MGAT5B: variants seen among roughly 807,000 people sequenced by gnomAD.
MGAT5B encodes alpha-1,6-mannosylglycoprotein 6-beta-N-acetylglucosaminyltransferase B, also known as N-acetylglucosaminyl-transferase Vb.
Under a neutral mutation model 95.1 loss-of-function variants are expected in MGAT5B, and 54 were observed. The ratio of observed to expected loss-of-function variants is 0.57; its 90% CI spans 0.46 to 0.71. The LOEUF (loss-of-function observed/expected upper bound fraction) is 0.71. Among genes scored for constraint, MGAT5B ranks in the 30% least tolerant of loss-of-function variants. The pLI is 0.00. For missense variants in MGAT5B, 935 were observed against 1,088.6 expected (o/e 0.86, Z 1.99); for synonymous variants, 464 against 451.0 (o/e 1.03, Z -0.36).
chr17:76,881,178 C>T (rs1269086661), intron 2 of MGAT5B, among the ~76,000 whole-genome samples: 1 of 152,168 alleles, frequency 6.6e-6, no homozygotes, highest in African/African-American at 2.4e-5. Context: ...CACACTGGCA[C>T]GTGCAGCGCT....
In MGAT5B at chr17:76,926,717, C is replaced by G; in HGVS notation, c.1278C>G (p.Phe426Leu). 2.5e-6 allele frequency: 4 copies of G among 1,612,730 alleles called. No individual in the cohort carries two copies. The highest frequency in any genetic ancestry group is 3.4e-6 in the Non-Finnish European group (4 of 1,179,904). The change falls in exon 10 of 18, where the codon TTC becomes TTG. Residue 426 changes from phenylalanine to leucine, a missense_variant. Around this residue, in one of 4 missense-constraint regions of MGAT5B, gnomAD observed 440 missense variants for 523.6 expected, o/e 0.84. Coordinates refer to ENST00000569840, the MANE Select transcript of MGAT5B (RefSeq NM_001199172.2). ...WGYWNLNPKQ[F>L]MTMFPHTPDN... ...ACTGGAACCTCAACCCCAAGCAGTT[C>G]ATGACCATGTTTCGTGAGTGCCCCA...
chr17:76,882,703 CCCT>C (rs1419930704), intron 3 of MGAT5B, among the ~76,000 whole-genome samples: 93 of 107,678 alleles, frequency 8.6e-4, no homozygotes, highest in Non-Finnish European at 1.2e-3. Context: ...ATTCCACTGC[CCCT>C]TTTTTTTTTT....
At chr17:76,928,159 G>A (rs889126090) in intron 10 of MGAT5B, among the ~76,000 whole-genome samples, 9 of 152,160 alleles carry the variant, frequency 5.9e-5, no homozygotes, top group Non-Finnish European at 5.9e-5. Context: ...GAGAGGTAGA[G>A]CATGCAGCCT....
At position 76,902,645 on chromosome 17, in the gene MGAT5B, C is replaced by T; in HGVS notation, c.420C>T (p.Arg140=). Residue 140 remains arginine (R), a synonymous_variant, in exon 4 of 18, where the codon CGC becomes CGT. Transcript: ENST00000569840. ...CTGTGAAGGTGGACCAGATCCTGCGCCACAGTCTGCTCCTGCACAGCAAGG... is the reference window on the plus strand; with the variant it reads ...CTGTGAAGGTGGACCAGATCCTGCGTCACAGTCTGCTCCTGCACAGCAAGG... ...DIAVKVDQIL[R]HSLLLHSKVS... is the part of the protein sequence containing the mutation. The T allele has an allele frequency of 6.3e-7, 1 of 1,596,046 alleles. No individual in the cohort carries two copies. The highest frequency in any genetic ancestry group is 8.5e-7 in the Non-Finnish European group (1 of 1,170,788).
chr17:76,948,204 G>C, intron 17 of MGAT5B, 118 bp downstream of exon 17: 1 of 1,441,958 alleles, frequency 6.9e-7, no homozygotes, highest in East Asian at 2.5e-5. Context: ...GGGATGTAAT[G>C]CTTTCCAATG....
chr17:76,892,332 G>A (rs1967905556), intron 3 of MGAT5B, among the ~76,000 whole-genome samples: 1 of 152,242 alleles, frequency 6.6e-6, no homozygotes, highest in Non-Finnish European at 1.5e-5. Context: ...ACGGGCGTGA[G>A]CCACCACGCT....
intron 15 of MGAT5B, among the ~76,000 whole-genome samples, chr17:76,941,416 T>A (rs901902546): frequency 2.0e-5 from 3 of 152,200 alleles, no homozygotes; most frequent in Non-Finnish European, 2.9e-5. Context: ...ATCTCCGCAG[T>A]GGACATGTTT....
chr17:76,907,340 C>G (rs1224724224), intron 8 of MGAT5B, among the ~76,000 whole-genome samples: 2 of 152,182 alleles, frequency 1.3e-5, no homozygotes, highest in South Asian at 2.1e-4. Flanking sequence ...CATGAGCCAC[C>G]GCACCCAGCC....
intron 10 of MGAT5B, among the ~76,000 whole-genome samples, chr17:76,928,911 G>T (rs143439006): frequency 0.011 from 1,662 of 151,502 alleles, 33 homozygotes; most frequent in African/African-American, 0.038. Flanking sequence ...TGTCACTCAG[G>T]CTGGAGTGCA....
chr17:76,871,290 C>A (rs933305013), intron 1 of MGAT5B, among the ~76,000 whole-genome samples: 10 of 152,176 alleles, frequency 6.6e-5, no homozygotes, highest in African/African-American at 2.4e-4. Context: ...TCTGAGGGAC[C>A]CCAAGATCTG....
In MGAT5B at chr17:76,905,963, C is replaced by A; in HGVS notation, c.856-55C>A. The A allele has an allele frequency of 1.3e-6, 2 of 1,505,642 alleles. No homozygotes were observed. The highest frequency in any genetic ancestry group is 2.5e-5 in the East Asian group (1 of 39,448). 93.3% of individuals were successfully genotyped at this position (1,505,642 alleles called of 1,614,324 possible). A position where few individuals can be genotyped will look rare whatever the true frequency, so the allele number is the denominator to read the frequency against. On this transcript the variant is annotated intron_variant, in intron 7 of 17. Transcript: ENST00000569840. The surrounding 1 kb of genome is among the most constrained non-coding windows in gnomAD (Gnocchi z 4.2). The stretch of plus-strand genomic sequence containing the variant: ...TCTCCTGGCCGGTGCCCCGGGGGGG[C>A]GGGGCTCAGAGCTGCTGCTCCTCTC...
chr17:76,888,989 C>G (rs575591156), intron 3 of MGAT5B, among the ~76,000 whole-genome samples: 32 of 152,284 alleles, frequency 2.1e-4, no homozygotes, highest in Admixed American at 6.5e-4. Flanking sequence ...GCACGAGGGT[C>G]GGCCTTGGGA....
At chr17:76,898,815 A>G (rs1330951265) in intron 3 of MGAT5B, among the ~76,000 whole-genome samples, 4 of 152,296 alleles carry the variant, frequency 2.6e-5, no homozygotes, top group African/African-American at 9.6e-5. Context: ...CCCTATGTGT[A>G]GTCTTTTATC....
At chr17:76,925,213 AC>A in intron 9 of MGAT5B, 116 bp downstream of exon 9, 1 of 1,168,992 alleles carries the variant, frequency 8.6e-7, no homozygotes, top group South Asian at 1.4e-5. Flanking sequence ...GGGAGAACAT[AC>A]TGTCCTGCAT....
intron 1 of MGAT5B, among the ~76,000 whole-genome samples, chr17:76,871,417 G>A (rs1400997708): frequency 1.3e-5 from 2 of 152,164 alleles, no homozygotes; most frequent in African/African-American, 2.4e-5. Context: ...CTGGGGGTGT[G>A]GTCTTCGAGT....
intron 15 of MGAT5B, 145 bp from the exon 16 acceptor site, chr17:76,946,231 G>T: frequency 1.6e-6 from 1 of 614,734 alleles, no homozygotes. Context: ...TGGGTGGAAG[G>T]GCCAGGTGGA....
chr17:76,882,508 G>T, intron 3 of MGAT5B: 1 of 548,340 alleles, frequency 1.8e-6, no homozygotes, highest in Non-Finnish European at 3.0e-6. Context: ...TAAATAAAAC[G>T]TCACAGATGA....
intron 10 of MGAT5B, among the ~76,000 whole-genome samples, chr17:76,931,362 G>A (rs1228530057): frequency 6.6e-6 from 1 of 152,238 alleles, no homozygotes; most frequent in African/African-American, 2.4e-5. Flanking sequence ...CTACCAAAGT[G>A]CTGGGATGAC....
Position 76,905,453 on chromosome 17 carries a change from G to C in MGAT5B, c.855+120G>C. 1.1e-6 allele frequency: 1 copy of C among 933,786 alleles called. No individual in the cohort carries two copies. 57.8% of individuals were successfully genotyped at this position (933,786 alleles called of 1,614,324 possible). On this transcript the variant is annotated intron_variant, in intron 7 of 17. Transcript: ENST00000569840. The surrounding 1 kb of genome is among the most constrained non-coding windows in gnomAD (Gnocchi z 4.2). ...GTGGGCTTCTGAATTTGATCAGAGG[G>C]AGAGAGGGGTAGGGATGGCAGAGTC...
Sources: allele counts gnomAD v4.1 joint callset (sites outside exome capture counted in the v4.1 genomes callset), GRCh38; gene constraint gnomAD v4.1.1; regional missense constraint gnomAD v4.1.1; non-coding constraint Gnocchi (gnomAD v3.1); transcripts MANE v1.5; gene names NCBI Gene and HGNC (gene_info 2026-07-23, HGNC 2026-07-21).